RBM20: variants seen among roughly 807,000 people sequenced by gnomAD.
RBM20 encodes the protein RNA binding motif protein 20, also known as RNA-binding protein 20.
RBM20 carries 51 observed loss-of-function variants against 110.1 expected under a neutral mutation model. That is an observed-to-expected ratio of 0.46 (90% CI 0.37 to 0.59). The LOEUF (loss-of-function observed/expected upper bound fraction) is 0.59, where lower values mean the gene tolerates loss of function less well. RBM20 is among the 20% of genes least tolerant of loss of function. The probability of loss-of-function intolerance (pLI) is 0.00; values close to 1 mark genes in which losing one functional copy is unlikely to be tolerated. For missense variants in RBM20, 1,512 were observed against 1,574.9 expected (o/e 0.96, Z 0.68); for synonymous variants, 589 against 618.2 (o/e 0.95, Z 0.70).
At chr10:110,760,483 A>G (rs765694318) in intron 1 of RBM20, among the ~76,000 whole-genome samples, 33 of 82,986 alleles carry the variant, frequency 4.0e-4, no homozygotes, top group Non-Finnish European at 6.5e-4. Flanking sequence ...TCCAGGCTGG[A>G]GTACAGTGGC....
intron 1 of RBM20, among the ~76,000 whole-genome samples, chr10:110,731,658 G>C (rs1843622128): frequency 6.6e-6 from 1 of 151,826 alleles, no homozygotes; most frequent in Admixed American, 6.6e-5. Context: ...TCTCCCTCTT[G>C]TTATCTAGGC....
Position 110,809,646 on chromosome 10 carries a change from A to C in RBM20, c.1801-737A>C, listed in dbSNP as rs1003172082. 2.6e-5 allele frequency among the ~76,000 whole-genome samples: 4 copies of C among 152,266 alleles called. No individual in the cohort carries two copies. The East Asian group carries it at 7.7e-4, about 29-fold the overall frequency. On this transcript the variant is annotated intron_variant, in intron 7 of 13. Coordinates refer to ENST00000369519, the MANE Select transcript of RBM20 (RefSeq NM_001134363.3). ...AAGGATGGAGCCCTGGCTGCCTACT[A>C]TTCTCAGCTGTGAAGCCCGACTCCC...
At chr10:110,731,750 G>A (rs1310111009) in intron 1 of RBM20, among the ~76,000 whole-genome samples, 1 of 152,128 alleles carries the variant, frequency 6.6e-6, no homozygotes, top group Non-Finnish European at 1.5e-5. Flanking sequence ...GGCAAAAGCT[G>A]CATTTTTTTG....
intron 1 of RBM20, among the ~76,000 whole-genome samples, chr10:110,713,681 C>A (rs1862972165): frequency 6.6e-6 from 1 of 152,178 alleles, no homozygotes; most frequent in Non-Finnish European, 1.5e-5. Flanking sequence ...TTGAAAGAGA[C>A]TCACATTCAT....
intron 1 of RBM20, among the ~76,000 whole-genome samples, chr10:110,669,410 C>T (rs760098703): frequency 5.8e-4 from 89 of 152,194 alleles, no homozygotes; most frequent in South Asian, 4.1e-4. Flanking sequence ...TGAAGTAAGA[C>T]GTGTTTACAG....
chr10:110,745,603 G>C (rs1388401092), intron 1 of RBM20, among the ~76,000 whole-genome samples: 6 of 151,970 alleles, frequency 3.9e-5, no homozygotes, highest in Non-Finnish European at 8.8e-5. Flanking sequence ...TCCACTGGGA[G>C]TGGTCACTCA....
chr10:110,768,103 G>A (rs1210220858), intron 1 of RBM20, among the ~76,000 whole-genome samples: 3 of 152,232 alleles, frequency 2.0e-5, no homozygotes, highest in African/African-American at 4.8e-5. Flanking sequence ...GGCGGCGCGC[G>A]CCTGCAATCG....
chr10:110,771,504 T>C (rs1023056365), intron 1 of RBM20, among the ~76,000 whole-genome samples: 1 of 152,206 alleles, frequency 6.6e-6, no homozygotes, highest in Non-Finnish European at 1.5e-5. Context: ...GGGACACATA[T>C]AGTTCCTATC....
At position 110,781,041 on chromosome 10, in the gene RBM20, T is replaced by G. The variant is rs1241413079; in HGVS notation, c.432T>G (p.Thr144=). Residue 144 remains threonine (T), a synonymous_variant, in exon 2 of 14, where the codon ACT becomes ACG. Transcript: ENST00000369519. ...FNQLRHPSVI[T]GPHGHAGVPQ... Reference sequence around the variant, plus strand: ...AACTGAGGCATCCGTCTGTGATCACTGGCCCCCACGGCCATGCTGGGGTTC... The same window carrying G: ...AACTGAGGCATCCGTCTGTGATCACGGGCCCCCACGGCCATGCTGGGGTTC... 4 of 1,551,922 alleles carry G rather than the reference T, an allele frequency of 2.6e-6. No homozygotes were observed. In the East Asian group the frequency reaches 9.8e-5, roughly 38 times the overall value.
At chr10:110,798,313 C>A (rs987392915) in intron 6 of RBM20, among the ~76,000 whole-genome samples, 5 of 152,112 alleles carry the variant, frequency 3.3e-5, no homozygotes, top group South Asian at 2.1e-4. Context: ...CTTTATGAAT[C>A]GGAGGAACAG....
At chr10:110,775,308 A>G (rs1204079430) in intron 1 of RBM20, among the ~76,000 whole-genome samples, 1 of 152,216 alleles carries the variant, frequency 6.6e-6, no homozygotes, top group East Asian at 1.9e-4. Flanking sequence ...CTGGAAGTGA[A>G]TTTAAATTCC....
chr10:110,821,475 C>T lies in RBM20; in HGVS notation c.2856C>T (p.Thr952=). The T allele has an allele frequency of 6.4e-7, 1 of 1,551,834 alleles. No individual in the cohort carries two copies. The highest frequency in any genetic ancestry group is 8.7e-7 in the Non-Finnish European group (1 of 1,147,028). Residue 952 remains threonine, a synonymous_variant, in exon 11 of 14, where the codon ACC becomes ACT. Transcript: ENST00000369519. The part of the protein sequence containing the change: ...CPETCLCVTT[T]LDLDLAQDFP... ...AAACATGTCTGTGTGTGACAACCAC[C>T]TTAGACTTAGACCTGGCCCAGGATT...
chr10:110,745,239 C>A (rs1376544746), intron 1 of RBM20, among the ~76,000 whole-genome samples: 3 of 152,200 alleles, frequency 2.0e-5, no homozygotes, highest in Admixed American at 6.5e-5. Flanking sequence ...GCCTGAATAC[C>A]ACCATGGCAA....
chr10:110,823,260 T>C (rs1489222114), intron 11 of RBM20, among the ~76,000 whole-genome samples: 1 of 152,056 alleles, frequency 6.6e-6, no homozygotes. Context: ...TTGCCAAGTT[T>C]TATTGTGTGT....
At chr10:110,709,607 C>A (rs921340500) in intron 1 of RBM20, among the ~76,000 whole-genome samples, 1 of 150,374 alleles carries the variant, frequency 6.7e-6, no homozygotes, top group Non-Finnish European at 1.5e-5. Flanking sequence ...TGCTTTGTTG[C>A]CCAGGCTGGA....
chr10:110,767,275 C>T (rs1244372750), intron 1 of RBM20, among the ~76,000 whole-genome samples: 2 of 140,144 alleles, frequency 1.4e-5, no homozygotes, highest in East Asian at 2.2e-4. Flanking sequence ...TCCTCACTTC[C>T]CAGTAGGGGC....
At chr10:110,808,940 C>A (rs111773420) in intron 7 of RBM20, among the ~76,000 whole-genome samples, 4 of 151,992 alleles carry the variant, frequency 2.6e-5, no homozygotes, top group Non-Finnish European at 5.9e-5. Context: ...TTTAGCTGGG[C>A]GTGGTGGTTC....
At chr10:110,769,759 C>T (rs1249136950) in intron 1 of RBM20, among the ~76,000 whole-genome samples, 1 of 151,754 alleles carries the variant, frequency 6.6e-6, no homozygotes, top group Non-Finnish European at 1.5e-5. Context: ...TGCTCACTCA[C>T]CCAGGCTGGA....
At position 110,702,003 on chromosome 10, in the gene RBM20, C is replaced by T. The variant is rs552634643; in HGVS notation, c.191+57358C>T. On this transcript the variant is annotated intron_variant, in intron 1 of 13. Transcript: ENST00000369519. The stretch of plus-strand genomic sequence containing the variant: ...AATTGTGTGAAGCAGGACGTGATTG[C>T]GTGGTCTTGTTTCAGCCAGCCTCAG... Among the ~76,000 whole-genome samples, 15 of 152,246 alleles carry T rather than the reference C, an allele frequency of 9.9e-5. No individual in the cohort carries two copies. The South Asian group carries it at 1.2e-3, about 13-fold the overall frequency.
Sources: gnomAD v4.1 joint callset for allele counts (sites outside exome capture counted in the v4.1 genomes callset) on GRCh38, gnomAD v4.1.1 for gene constraint, MANE v1.5 for transcripts, NCBI Gene and HGNC (gene_info 2026-07-23, HGNC 2026-07-21) for gene names.